Variants in TMEM132D observed in about 807,000 individuals in gnomAD.
TMEM132D encodes transmembrane protein 132D.
A neutral mutation model predicts 62.3 loss-of-function variants in TMEM132D; 21 were observed. The observed-to-expected ratio is 0.34, with a 90% CI of 0.24 to 0.49. The LOEUF is 0.49. TMEM132D is among the 20% of genes least tolerant of loss of function. The pLI, the probability that TMEM132D is intolerant of heterozygous loss-of-function variation, is 0.99. For missense variants in TMEM132D, 1,346 were observed against 1,402.8 expected (o/e 0.96, Z 0.65); for synonymous variants, 621 against 575.6 (o/e 1.08, Z -1.13).
At chr12:129,455,292 A>G (rs935311970) in intron 3 of TMEM132D, among the ~76,000 whole-genome samples, 10 of 152,230 alleles carry the variant, frequency 6.6e-5, no homozygotes, top group African/African-American at 1.2e-4. Context: ...CCCCAGGTCC[A>G]TCATGTACAG....
intron 2 of TMEM132D, among the ~76,000 whole-genome samples, chr12:129,594,413 G>GA (rs1878279866): frequency 6.6e-6 from 1 of 152,278 alleles, no homozygotes; most frequent in South Asian, 2.1e-4. Flanking sequence ...CAGGAGGAGT[G>GA]AAAATCAAGA....
intron 2 of TMEM132D, among the ~76,000 whole-genome samples, chr12:129,552,584 C>T (rs1276658943): frequency 6.6e-6 from 1 of 151,686 alleles, no homozygotes; most frequent in Non-Finnish European, 1.5e-5. Context: ...TGTTCACATC[C>T]ATTATCTATT....
intron 2 of TMEM132D, among the ~76,000 whole-genome samples, chr12:129,637,128 C>T (rs1341671691): frequency 3.9e-5 from 6 of 152,178 alleles, no homozygotes; most frequent in Non-Finnish European, 7.3e-5. Flanking sequence ...CATCACCCTA[C>T]AACTGCTTTT....
chr12:129,781,131 G>A (rs1024099589), intron 1 of TMEM132D, among the ~76,000 whole-genome samples: 3 of 152,202 alleles, frequency 2.0e-5, no homozygotes, highest in Non-Finnish European at 4.4e-5. Context: ...AAACTCCTAA[G>A]AGCAGAGTTT....
chr12:129,532,011 G>A (rs924635274), intron 2 of TMEM132D, among the ~76,000 whole-genome samples: 6 of 151,984 alleles, frequency 3.9e-5, no homozygotes, highest in South Asian at 4.1e-4. Flanking sequence ...AGCTGAGATC[G>A]ACCCACAGCA....
At chr12:129,403,384 A>G (rs781150727) in intron 3 of TMEM132D, among the ~76,000 whole-genome samples, 12 of 151,532 alleles carry the variant, frequency 7.9e-5, no homozygotes, top group Non-Finnish European at 1.0e-4. Flanking sequence ...AGAAGAGAGT[A>G]CAGCAAGGAC....
At chr12:129,617,129 A>C (rs1878940858) in intron 2 of TMEM132D, among the ~76,000 whole-genome samples, 1 of 152,244 alleles carries the variant, frequency 6.6e-6, no homozygotes, top group Non-Finnish European at 1.5e-5. Flanking sequence ...GCACTCACAA[A>C]GAATTTTCTG....
At chr12:129,601,102 C>T (rs1418072875) in intron 2 of TMEM132D, among the ~76,000 whole-genome samples, 1 of 152,176 alleles carries the variant, frequency 6.6e-6, no homozygotes, top group Non-Finnish European at 1.5e-5. Context: ...ATGATTTTAA[C>T]TAGATCTTCT....
chr12:129,797,964 T>C (rs1270452102), intron 1 of TMEM132D, among the ~76,000 whole-genome samples: 1 of 152,138 alleles, frequency 6.6e-6, no homozygotes, highest in African/African-American at 2.4e-5. Flanking sequence ...GGGGATGGAT[T>C]TCTTATGAAT....
At chr12:129,498,814 T>C (rs1187485895) in intron 3 of TMEM132D, among the ~76,000 whole-genome samples, 2 of 152,140 alleles carry the variant, frequency 1.3e-5, no homozygotes, top group Admixed American at 6.5e-5. Flanking sequence ...CATGAGAATA[T>C]AGGACTACTA....
intron 1 of TMEM132D, among the ~76,000 whole-genome samples, chr12:129,821,370 G>C (rs1263742491): frequency 6.6e-6 from 1 of 152,260 alleles, no homozygotes; most frequent in South Asian, 2.1e-4. Context: ...ACTCCAAAAG[G>C]TTGGCCTTCT....
At chr12:129,529,979 C>T (rs1876167883) in intron 3 of TMEM132D, among the ~76,000 whole-genome samples, 1 of 152,154 alleles carries the variant, frequency 6.6e-6, no homozygotes, top group Non-Finnish European at 1.5e-5. Context: ...GGACTGAACT[C>T]AAATACAGAT....
intron 3 of TMEM132D, among the ~76,000 whole-genome samples, chr12:129,395,059 T>C (rs759894775): frequency 1.1e-4 from 16 of 152,206 alleles, no homozygotes; most frequent in Non-Finnish European, 8.8e-5. Context: ...TCTGTATAAG[T>C]GTTCCTCCAA....
At chr12:129,456,685 G>A (rs988225137) in intron 3 of TMEM132D, among the ~76,000 whole-genome samples, 4 of 152,142 alleles carry the variant, frequency 2.6e-5, no homozygotes, top group Admixed American at 6.6e-5. Context: ...CCCATAAACG[G>A]CAGATGGAAC....
intron 1 of TMEM132D, among the ~76,000 whole-genome samples, chr12:129,849,681 A>G (rs1873474101): frequency 6.6e-6 from 1 of 152,202 alleles, no homozygotes; most frequent in Non-Finnish European, 1.5e-5. Context: ...CAGGGAAGGA[A>G]CTGAGCTTTA....
At chr12:129,174,235 C>T (rs561599044) in intron 5 of TMEM132D, among the ~76,000 whole-genome samples, 59 of 152,296 alleles carry the variant, frequency 3.9e-4, no homozygotes, top group African/African-American at 1.4e-3. Context: ...CCTTGCCCCC[C>T]ACCCCTCAAC....
intron 2 of TMEM132D, among the ~76,000 whole-genome samples, chr12:129,675,382 G>C (rs1458730810): frequency 4.0e-5 from 6 of 151,840 alleles, no homozygotes; most frequent in Non-Finnish European, 8.8e-5. Flanking sequence ...GGGGGGTGGG[G>C]GGCAAGGGGA....
chr12:129,539,703 C>T (rs368252542), intron 2 of TMEM132D, among the ~76,000 whole-genome samples: 6 of 152,140 alleles, frequency 3.9e-5, no homozygotes, highest in Non-Finnish European at 5.9e-5. Context: ...TGAGCTACCA[C>T]GCCCAGCCTG....
intron 2 of TMEM132D, among the ~76,000 whole-genome samples, chr12:129,650,214 G>C (rs573651161): frequency 6.6e-6 from 1 of 152,132 alleles, no homozygotes; most frequent in South Asian, 2.1e-4. Context: ...TTTACATAAA[G>C]GCTATCCTAT....
Sources: allele counts gnomAD v4.1 joint callset (sites outside exome capture counted in the v4.1 genomes callset), GRCh38; gene constraint gnomAD v4.1.1; transcripts MANE v1.5; gene names NCBI Gene and HGNC (gene_info 2026-07-23, HGNC 2026-07-21).